The following NEK10 variants were observed in gnomAD, a reference collection of about 807,000 sequenced individuals.
NEK10 encodes NIMA related kinase 10.
Under a neutral mutation model 159.8 loss-of-function variants are expected in NEK10, and 122 were observed. The observed-to-expected ratio is 0.76, with a 90% CI of 0.66 to 0.89. The LOEUF (loss-of-function observed/expected upper bound fraction) is 0.89, where lower values mean the gene tolerates loss of function less well. Among genes scored for constraint, NEK10 ranks in the 40% least tolerant of loss-of-function variants. NEK10 has a pLI of 0.00. For missense variants in NEK10, 1,342 were observed against 1,323.1 expected, an observed-to-expected ratio of 1.01 and a Z score of -0.22; for synonymous variants, 466 against 457.1, an observed-to-expected ratio of 1.02 and a Z score of -0.25.
chr3:27,224,675 C>T (rs765835413), intron 23 of NEK10, among the ~76,000 whole-genome samples: 4 of 151,834 alleles, frequency 2.6e-5, no homozygotes, highest in Non-Finnish European at 4.4e-5. Context: ...TGTTTTTTTC[C>T]TTACTCTCAC....
intron 5 of NEK10, among the ~76,000 whole-genome samples, chr3:27,324,015 A>G (rs2045839358): frequency 1.3e-5 from 2 of 152,206 alleles, no homozygotes; most frequent in Non-Finnish European, 2.9e-5. Flanking sequence ...CTAAGGGAGC[A>G]TATCAGTCAA....
intron 3 of NEK10, among the ~76,000 whole-genome samples, chr3:27,348,989 C>G (rs980847959): frequency 6.6e-6 from 1 of 151,988 alleles, no homozygotes; most frequent in East Asian, 1.9e-4. Context: ...CATCATATAC[C>G]AGACATTGCT....
chr3:27,349,618 T>TC (rs1191862973), intron 3 of NEK10, among the ~76,000 whole-genome samples: 2 of 152,174 alleles, frequency 1.3e-5, no homozygotes, highest in Admixed American at 6.5e-5. Flanking sequence ...CTTTCTTCCA[T>TC]CTTTTTTTAA....
intron 1 of NEK10, among the ~76,000 whole-genome samples, chr3:27,354,627 CTAA>C (rs1468812894): frequency 1.3e-5 from 2 of 152,162 alleles, no homozygotes; most frequent in African/African-American, 4.8e-5. Flanking sequence ...TTACATTATA[CTAA>C]TGTCTACACT....
In NEK10 at chr3:27,147,115, T is replaced by G. The variant is rs140178744; in HGVS notation, c.2870-5533A>C. On this transcript the variant is annotated intron_variant, in intron 30 of 35. Transcript: ENST00000691995. ...AGAAAGTCACAACTTCTTTGGGCCT[T>G]AGTTTCTTCATATGAAATGGCAGAA... Among the ~76,000 whole-genome samples the G allele has an allele frequency of 4.9e-3, 747 of 152,326 alleles. 3 individuals are homozygous for G. Among genetic ancestry groups the G allele is most frequent in the African/African-American group, 0.017 (722 of 41,562 alleles).
Position 27,218,377 on chromosome 3 carries a change from C to T in NEK10, c.2091-15820G>A, listed in dbSNP as rs570530009. On this transcript the variant is annotated intron_variant, in intron 23 of 35. Coordinates refer to ENST00000691995, the MANE Select transcript of NEK10 (RefSeq NM_001394966.1). ...ATCCCAGCACTTTGGGAGACCAAGG[C>T]GGGCGGATCACAAGGTCAGGAGTTT... Among the ~76,000 whole-genome samples the T allele has an allele frequency of 3.3e-5, 5 of 151,934 alleles. No individual in the cohort carries two copies. In the East Asian group the frequency reaches 5.8e-4, roughly 18 times the overall value.
chr3:27,142,748 T>C (rs970749345), intron 30 of NEK10, among the ~76,000 whole-genome samples: 1 of 152,178 alleles, frequency 6.6e-6, no homozygotes, highest in Non-Finnish European at 1.5e-5. Context: ...CAACTTGTTT[T>C]ATTATAAGCA....
At chr3:27,345,167 A>G (rs2047466031) in intron 4 of NEK10, among the ~76,000 whole-genome samples, 1 of 152,176 alleles carries the variant, frequency 6.6e-6, no homozygotes, top group Non-Finnish European at 1.5e-5. Context: ...TACAACCTCA[A>G]AGGAAAGGTG....
intron 5 of NEK10, among the ~76,000 whole-genome samples, chr3:27,329,661 T>G (rs1017991235): frequency 6.6e-6 from 1 of 152,212 alleles, no homozygotes; most frequent in African/African-American, 2.4e-5. Context: ...CAAGAAGCAG[T>G]AAGTCTGGTT....
At chr3:27,221,444 C>T (rs979915417) in intron 23 of NEK10, among the ~76,000 whole-genome samples, 1 of 152,138 alleles carries the variant, frequency 6.6e-6, no homozygotes, top group African/African-American at 2.4e-5. Context: ...ATCCAAAAGA[C>T]AGATTAAATA....
chr3:27,152,493 G>C (rs1944979023), intron 30 of NEK10, among the ~76,000 whole-genome samples: 2 of 151,968 alleles, frequency 1.3e-5, no homozygotes, highest in Admixed American at 1.3e-4. Flanking sequence ...GCTAAAAGGA[G>C]CTCTAAATCT....
intron 30 of NEK10, among the ~76,000 whole-genome samples, chr3:27,152,006 C>A (rs1038797378): frequency 6.6e-6 from 1 of 151,956 alleles, no homozygotes; most frequent in African/African-American, 2.4e-5. Context: ...GTTAAACAAC[C>A]CAATACCAAG....
intron 1 of NEK10, among the ~76,000 whole-genome samples, chr3:27,360,171 TG>T (rs1268620064): frequency 2.6e-5 from 4 of 152,192 alleles, no homozygotes; most frequent in African/African-American, 9.7e-5. Flanking sequence ...TGTTCTTCAA[TG>T]GGAACTATAT....
At chr3:27,325,690 C>T (rs2045953908) in intron 5 of NEK10, among the ~76,000 whole-genome samples, 1 of 152,194 alleles carries the variant, frequency 6.6e-6, no homozygotes. Flanking sequence ...CAAAGACTGA[C>T]TTCATGGGAA....
chr3:27,258,175 G>A (rs1409803753), intron 22 of NEK10, among the ~76,000 whole-genome samples: 1 of 152,002 alleles, frequency 6.6e-6, no homozygotes, highest in East Asian at 1.9e-4. Flanking sequence ...TAGTATGAAA[G>A]TAAAATTTAA....
rs561466148 is a variant in NEK10 at position 27,322,273 on chromosome 3, A to C, written c.363-12T>G. On this transcript the variant is annotated splice_polypyrimidine_tract_variant and intron_variant, in intron 5 of 35. Transcript: ENST00000691995. ...GATTAACCCACTCTCTGAAAGAAGAAAACAAGAGAACATGTTCACGTTTAA... is the reference window on the plus strand; with the variant it reads ...GATTAACCCACTCTCTGAAAGAAGACAACAAGAGAACATGTTCACGTTTAA... The C allele has an allele frequency of 2.0e-6, 3 of 1,464,594 alleles. No individual in the cohort carries two copies. In the East Asian group the frequency reaches 7.3e-5, roughly 36 times the overall value. 90.7% of individuals were successfully genotyped at this position (1,464,594 alleles called of 1,614,324 possible).
chr3:27,156,929 GATATATATATAT>G (rs4016654), intron 30 of NEK10, among the ~76,000 whole-genome samples: 2,789 of 28,286 alleles, frequency 0.099, 106 homozygotes, highest in Non-Finnish European at 0.11. Context: ...TAAAGAAACT[GATATATATATAT>G]ATATATATAT....
intron 33 of NEK10, among the ~76,000 whole-genome samples, chr3:27,117,365 A>G (rs915709539): frequency 3.9e-5 from 6 of 152,286 alleles, no homozygotes; most frequent in African/African-American, 1.4e-4. Context: ...GCTGGTTCAA[A>G]TGGTATTTCT....
At chr3:27,192,425 G>C (rs550784263) in intron 25 of NEK10, among the ~76,000 whole-genome samples, 183 bp from the exon 26 acceptor site, 2 of 152,322 alleles carry the variant, frequency 1.3e-5, no homozygotes, top group African/African-American at 4.8e-5. Flanking sequence ...CATTTGGAAA[G>C]CTAAGGAAGG....
Sources: allele counts gnomAD v4.1 joint callset (sites outside exome capture counted in the v4.1 genomes callset), GRCh38; gene constraint gnomAD v4.1.1; transcripts MANE v1.5; gene names NCBI Gene and HGNC (gene_info 2026-07-23, HGNC 2026-07-21).